VPS13D: variants seen among roughly 807,000 people sequenced by gnomAD.
The protein encoded by VPS13D is intermembrane lipid transfer protein VPS13D.
Under a neutral mutation model 461.9 loss-of-function variants are expected in VPS13D, and 187 were observed. The observed-to-expected ratio is 0.40, with a 90% CI of 0.36 to 0.46. The LOEUF (loss-of-function observed/expected upper bound fraction) is 0.46, where lower values mean the gene tolerates loss of function less well. Ranked by LOEUF, VPS13D falls within the 20% of genes least tolerant of loss-of-function variation. VPS13D has a pLI of 0.60. For synonymous variants in VPS13D, 1,951 were observed against 1,986.3 expected, an observed-to-expected ratio of 0.98 and a Z score of 0.47; for missense variants, 4,711 against 5,364.9, an observed-to-expected ratio of 0.88 and a Z score of 3.81.
At chr1:12,293,478 T>C in intron 23 of VPS13D, 46 bp from the exon 24 acceptor site, 3 of 1,517,194 alleles carry the variant, frequency 2.0e-6, no homozygotes. Context: ...AAATACTAAC[T>C]TGTGTCTTGC....
chr1:12,230,462 G>T (rs956301445), intron 1 of VPS13D, among the ~76,000 whole-genome samples: 4 of 152,102 alleles, frequency 2.6e-5, no homozygotes, highest in African/African-American at 9.7e-5. Flanking sequence ...CTGGACCCCG[G>T]CACACTTTCC....
At chr1:12,430,717 T>C (rs892558444) in intron 65 of VPS13D, among the ~76,000 whole-genome samples, 1 of 152,184 alleles carries the variant, frequency 6.6e-6, no homozygotes, top group Non-Finnish European at 1.5e-5. Flanking sequence ...AAGACAGCTG[T>C]GAAACATCTT....
In VPS13D at chr1:12,342,995, C is replaced by T; in HGVS notation, c.8829C>T (p.Val2943=). The T allele has an allele frequency of 1.2e-6, 2 of 1,613,684 alleles. No homozygotes were observed. The highest frequency in any genetic ancestry group is 1.7e-6 in the Non-Finnish European group (2 of 1,179,788). The change falls in exon 42 of 70, where the codon GTC becomes GTT. Residue 2943 remains valine, a synonymous_variant. Transcript: ENST00000620676. ...DTHNVSEWRE[V]LTGEEIPFEF... is the part of the protein sequence containing the mutation. Reference sequence around the variant, plus strand: ...ACAATGTTAGTGAATGGCGAGAAGTCCTTACAGGTGAAGAGATTCCCTTTG... The same window carrying T: ...ACAATGTTAGTGAATGGCGAGAAGTTCTTACAGGTGAAGAGATTCCCTTTG...
Position 12,509,256 on chromosome 1 carries a change from A to G in VPS13D, c.*232A>G. 1.9e-6 allele frequency: 1 copy of G among 520,454 alleles called. No individual in the cohort carries two copies. Among genetic ancestry groups the G allele is most frequent in the Non-Finnish European group, 3.3e-6 (1 of 304,736 alleles). The allele number at this position is 520,454 out of a possible 1,614,324, so 32.2% of individuals were successfully genotyped here. On this transcript the variant is annotated 3_prime_UTR_variant, in exon 70 of 70. Transcript: ENST00000620676. ...AATAATTTTTAAAGGTATTGGTTAA[A>G]TAACGTTTAAAAACATGTACTGAGA...
intron 67 of VPS13D, among the ~76,000 whole-genome samples, chr1:12,489,254 G>T (rs375341062): frequency 1.3e-5 from 2 of 152,176 alleles, no homozygotes; most frequent in East Asian, 3.9e-4. Flanking sequence ...CCTACCAGCT[G>T]TCACAGTTGC....
At chr1:12,288,199 T>C (rs1363453106) in intron 21 of VPS13D, 24 bp from the exon 22 acceptor site, 5 of 1,592,438 alleles carry the variant, frequency 3.1e-6, no homozygotes, top group Non-Finnish European at 4.3e-6. Context: ...AATATTGGCC[T>C]TGCTTTATCT....
intron 67 of VPS13D, among the ~76,000 whole-genome samples, chr1:12,475,152 G>A (rs1645613891): frequency 6.6e-6 from 1 of 152,174 alleles, no homozygotes; most frequent in Non-Finnish European, 1.5e-5. Flanking sequence ...GCTATTGGAT[G>A]TTCCCTTTGG....
Position 12,467,458 on chromosome 1 carries a change from C to T in VPS13D, c.12662+7062C>T, listed in dbSNP as rs138748092. On this transcript the variant is annotated intron_variant, in intron 67 of 69. Coordinates refer to ENST00000620676, the MANE Select transcript of VPS13D (RefSeq NM_015378.4). ...GTGTTGGGATTACAGGCGTGAGCCA[C>T]CACACCCAGTCAGGATCAGATATTT... Among the ~76,000 whole-genome samples, 18 of 152,348 alleles carry T rather than the reference C, an allele frequency of 1.2e-4. No individual in the cohort carries two copies. The East Asian group carries it at 2.1e-3, about 18-fold the overall frequency.
chr1:12,388,718 T>C (rs1644382644), intron 60 of VPS13D, among the ~76,000 whole-genome samples: 1 of 152,180 alleles, frequency 6.6e-6, no homozygotes, highest in Non-Finnish European at 1.5e-5. Context: ...ATTAACTAAA[T>C]TTAAATGTTG....
intron 67 of VPS13D, among the ~76,000 whole-genome samples, chr1:12,482,759 CATAG>C (rs1328613214): frequency 1.4e-5 from 2 of 142,634 alleles, no homozygotes; most frequent in Non-Finnish European, 3.0e-5. Context: ...TATATGTATA[CATAG>C]TATACATATA....
Position 12,356,414 on chromosome 1 carries a change from C to G in VPS13D, c.9888C>G (p.Phe3296Leu). 6.2e-7 allele frequency: 1 copy of G among 1,613,852 alleles called. No homozygotes were observed. Among genetic ancestry groups the G allele is most frequent in the Non-Finnish European group, 8.5e-7 (1 of 1,179,946 alleles). The change falls in exon 49 of 70, where the codon TTC (phenylalanine) becomes TTG (leucine). Residue 3296 changes from phenylalanine (F) to leucine (L), a missense_variant. Around this residue, in one of 3 missense-constraint regions of VPS13D, gnomAD observed 4,411 missense variants for 4,937.8 expected, o/e 0.89. Coordinates refer to ENST00000620676, the MANE Select transcript of VPS13D (RefSeq NM_015378.4). The part of the protein sequence containing the change: ...LINKTGLPLI[F>L]RQDNAKTDAA... ...TTCCTAAAGGGTTGCCACTGATCTTCAGACAGGACAATGCCAAGACAGATG... is the reference window on the plus strand; with the variant it reads ...TTCCTAAAGGGTTGCCACTGATCTTGAGACAGGACAATGCCAAGACAGATG...
Position 12,379,470 on chromosome 1 carries a change from G to T in VPS13D, c.11082-18G>T. 18 of 1,608,804 alleles carry T rather than the reference G, an allele frequency of 1.1e-5. No homozygotes were observed. Among genetic ancestry groups the T allele is most frequent in the Non-Finnish European group, 1.5e-5 (18 of 1,176,732 alleles). On this transcript the variant is annotated intron_variant, in intron 56 of 69. Coordinates refer to ENST00000620676, the MANE Select transcript of VPS13D (RefSeq NM_015378.4). The stretch of plus-strand genomic sequence containing the variant: ...TGACTCGGAGGTTTCATGGTTCATT[G>T]TGTATTCCGTTTTCCAGATACGAGC...
rs113998279 is a variant in VPS13D, at chr1:12,452,966, G to C, written c.12334-3032G>C. On this transcript the variant is annotated intron_variant, in intron 65 of 69. Coordinates refer to ENST00000620676, the MANE Select transcript of VPS13D (RefSeq NM_015378.4). Reference sequence around the variant, plus strand: ...AATTCAGACAGAAGTCCTACAGTAAGTTGAGATAGGTGTAGGTACCTTTCC... The same window carrying C: ...AATTCAGACAGAAGTCCTACAGTAACTTGAGATAGGTGTAGGTACCTTTCC... 1.1e-3 allele frequency among the ~76,000 whole-genome samples: 172 copies of C among 152,324 alleles called. 1 individual carries two copies. The Middle Eastern group carries it at 0.024, about 21-fold the overall frequency.
intron 40 of VPS13D, among the ~76,000 whole-genome samples, chr1:12,339,128 G>T (rs1266959111): frequency 6.6e-6 from 1 of 152,060 alleles, no homozygotes; most frequent in South Asian, 2.1e-4. Flanking sequence ...ATTTTACCAG[G>T]GTGGATGTTT....
chr1:12,361,140 A>T lies in VPS13D; in HGVS notation c.10142-1580A>T, dbSNP rs531436853. On this transcript the variant is annotated intron_variant, in intron 50 of 69. Coordinates refer to ENST00000620676, the MANE Select transcript of VPS13D (RefSeq NM_015378.4). ...GAAATAATTAAAATATCTAACTTAG[A>T]AGGTTGTTATGGGGATTCAGTGTAA... is the stretch of plus-strand genomic sequence containing the variant. Among the ~76,000 whole-genome samples the T allele has an allele frequency of 5.9e-5, 9 of 152,214 alleles. No homozygotes were observed. The East Asian group carries it at 1.7e-3, about 29-fold the overall frequency.
chr1:12,366,921 A>C (rs950403459), intron 52 of VPS13D, among the ~76,000 whole-genome samples: 1 of 152,232 alleles, frequency 6.6e-6, no homozygotes, highest in Non-Finnish European at 1.5e-5. Flanking sequence ...CTTATCACCC[A>C]AAAATAGGGA....
At chr1:12,353,868 A>T in intron 46 of VPS13D, 106 bp from the exon 47 acceptor site, 2 of 1,143,854 alleles carry the variant, frequency 1.7e-6, no homozygotes, top group Non-Finnish European at 2.4e-6. Context: ...AAATAATTTT[A>T]CTCATTGAAC....
chr1:12,469,772 A>G (rs1056224817), intron 67 of VPS13D, among the ~76,000 whole-genome samples: 1 of 152,186 alleles, frequency 6.6e-6, no homozygotes. Flanking sequence ...TCTTACAATA[A>G]TTTACCTAAT....
intron 13 of VPS13D, 136 bp from the exon 14 acceptor site, chr1:12,266,745 T>TTTTG (rs1038358971): frequency 2.3e-6 from 2 of 859,860 alleles, no homozygotes; most frequent in South Asian, 2.6e-5. Flanking sequence ...GATAGGGTTT[T>TTTTG]TTTGTTTGTT....
Sources: allele counts gnomAD v4.1 joint callset (sites outside exome capture counted in the v4.1 genomes callset), GRCh38; gene constraint gnomAD v4.1.1; regional missense constraint gnomAD v4.1.1; transcripts MANE v1.5; gene names NCBI Gene and HGNC (gene_info 2026-07-23, HGNC 2026-07-21).